HSD17B12: variants seen among roughly 807,000 people sequenced by gnomAD.
The protein encoded by HSD17B12 is hydroxysteroid 17-beta dehydrogenase 12.
In HSD17B12, 32 loss-of-function variants were observed where a neutral mutation model predicts 39.3. The ratio of observed to expected loss-of-function variants is 0.81; its 90% CI spans 0.61 to 1.09. The LOEUF (loss-of-function observed/expected upper bound fraction) is 1.09, where lower values mean the gene tolerates loss of function less well. Ranked by LOEUF, HSD17B12 falls within the 50% of genes least tolerant of loss-of-function variation. The pLI is 0.00. For synonymous variants in HSD17B12, 150 were observed against 146.7 expected (o/e 1.02, Z -0.16); for missense variants, 342 against 382.9 (o/e 0.89, Z 0.89).
chr11:43,774,646 C>A (rs1400727272), intron 3 of HSD17B12, among the ~76,000 whole-genome samples: 1 of 152,170 alleles, frequency 6.6e-6, no homozygotes, highest in East Asian at 1.9e-4. Flanking sequence ...GTGCTAGAGA[C>A]TCTTCGAAGA....
At chr11:43,850,757 G>A (rs1201128749) in intron 9 of HSD17B12, among the ~76,000 whole-genome samples, 1 of 152,190 alleles carries the variant, frequency 6.6e-6, no homozygotes, top group African/African-American at 2.4e-5. Context: ...TCCAGTGGGT[G>A]AGAAAAAAGA....
the HSD17B12 span, among the ~76,000 whole-genome samples, chr11:43,642,561 A>G: frequency 6.6e-6 from 1 of 151,756 alleles, no homozygotes; most frequent in Non-Finnish European, 1.5e-5. Context: ...CTTGTTTTTG[A>G]GCCTTTCTTA....
chr11:43,686,164 T>G (rs1949796823), intron 1 of HSD17B12, among the ~76,000 whole-genome samples: 1 of 152,214 alleles, frequency 6.6e-6, no homozygotes, highest in Non-Finnish European at 1.5e-5. Flanking sequence ...TGCTTGCTGT[T>G]GACATTCTAG....
rs1249719150 is a variant in HSD17B12 at position 43,768,141 on chromosome 11, A to G, written c.283+14020A>G. Among the ~76,000 whole-genome samples, 4 of 152,208 alleles carry G rather than the reference A, an allele frequency of 2.6e-5. No individual in the cohort carries two copies. The South Asian group carries it at 8.3e-4, about 32-fold the overall frequency. On this transcript the variant is annotated intron_variant, in intron 3 of 10. Transcript: ENST00000278353. ...TGTTCTCCGTGACTCCATGCTTTTA[A>G]GTGTACTTTAAGTATTGTAGGTGGG...
intron 1 of HSD17B12, chr11:43,734,171 AC>A: frequency 6.4e-7 from 1 of 1,569,074 alleles, no homozygotes. Flanking sequence ...AGAACTAATC[AC>A]CCAGAGAGAG....
chr11:43,756,986 T>C (rs1166930958), intron 3 of HSD17B12, among the ~76,000 whole-genome samples: 1 of 152,220 alleles, frequency 6.6e-6, no homozygotes, highest in Non-Finnish European at 1.5e-5. Flanking sequence ...AATGTTTTTC[T>C]GGGCATAATA....
At chr11:43,622,435 AAAAATAAAAT>A in the HSD17B12 span, among the ~76,000 whole-genome samples, 36 of 152,080 alleles carry the variant, frequency 2.4e-4, no homozygotes, top group South Asian at 6.2e-4. Context: ...CATTTCTACA[AAAAATAAAAT>A]AAAATAAAAT....
intron 3 of HSD17B12, among the ~76,000 whole-genome samples, chr11:43,761,193 A>G (rs1321353007): frequency 6.6e-6 from 1 of 152,236 alleles, no homozygotes; most frequent in Non-Finnish European, 1.5e-5. Context: ...CCATTAAATG[A>G]AACATTTCTG....
the HSD17B12 span, among the ~76,000 whole-genome samples, chr11:43,566,635 T>A: frequency 6.6e-6 from 1 of 152,038 alleles, no homozygotes; most frequent in African/African-American, 2.4e-5. Flanking sequence ...GTTCAAGCAA[T>A]TCTCCTACCT....
In HSD17B12 at chr11:43,680,861, T is replaced by G. The variant is rs555818217; in HGVS notation, c.34T>G (p.Tyr12Asp). ...CGCTCTCCCCGCCGCCGGCTTCCTG[T>G]ACTGGGTCGGCGCGGGCACCGTGGC... is the stretch of plus-strand genomic sequence containing the variant. ...ESALPAAGFLYWVGAGTVAYL... is the reference protein window; with the variant it reads ...ESALPAAGFLDWVGAGTVAYL... Residue 12 changes from tyrosine (Y) to aspartate (D), a missense_variant, in exon 1 of 11, where the codon TAC becomes GAC. Transcript: ENST00000278353. 6.2e-7 allele frequency: 1 copy of G among 1,614,070 alleles called. No individual in the cohort carries two copies. The highest frequency in any genetic ancestry group is 1.3e-5 in the African/African-American group (1 of 75,032).
chr11:43,604,199 T>C, the HSD17B12 span, among the ~76,000 whole-genome samples: 1 of 152,194 alleles, frequency 6.6e-6, no homozygotes, highest in Non-Finnish European at 1.5e-5. Flanking sequence ...TTATGAATAT[T>C]CAATAATTTC....
chr11:43,732,106 A>G (rs2134889973), intron 1 of HSD17B12, among the ~76,000 whole-genome samples: 1 of 152,248 alleles, frequency 6.6e-6, no homozygotes, highest in South Asian at 2.1e-4. Context: ...GGTTACCTCC[A>G]TGCTGTTCTC....
intron 7 of HSD17B12, 158 bp from the exon 8 acceptor site, chr11:43,838,159 C>G: frequency 3.4e-6 from 2 of 595,822 alleles, no homozygotes; most frequent in Non-Finnish European, 3.0e-6. Flanking sequence ...CATTTACTGA[C>G]CAAGCATAGC....
the HSD17B12 span, among the ~76,000 whole-genome samples, chr11:43,655,919 T>G: frequency 6.6e-6 from 1 of 152,222 alleles, no homozygotes. Flanking sequence ...GCTGGCCTCA[T>G]AAAATGAGTT....
At chr11:43,704,747 A>G (rs1410724341) in intron 1 of HSD17B12, among the ~76,000 whole-genome samples, 1 of 152,236 alleles carries the variant, frequency 6.6e-6, no homozygotes, top group African/African-American at 2.4e-5. Context: ...CCGAGCCTTA[A>G]GAAGAGGTAG....
intron 1 of HSD17B12, among the ~76,000 whole-genome samples, chr11:43,718,287 T>A (rs1346559462): frequency 6.6e-6 from 1 of 152,216 alleles, no homozygotes; most frequent in Non-Finnish European, 1.5e-5. Context: ...TCTGAACATA[T>A]CAATTCACAT....
At chr11:43,753,748 A>G (rs1215333115) in intron 2 of HSD17B12, among the ~76,000 whole-genome samples, 2 of 151,946 alleles carry the variant, frequency 1.3e-5, no homozygotes, top group Non-Finnish European at 2.9e-5. Context: ...TAAATTATAG[A>G]AGTGGTAGAC....
intron 1 of HSD17B12, among the ~76,000 whole-genome samples, chr11:43,691,852 C>T (rs1949865954): frequency 1.3e-5 from 2 of 152,292 alleles, no homozygotes; most frequent in East Asian, 1.9e-4. Context: ...TGTGCAGAGG[C>T]ATTTAGTAGG....
At chr11:43,572,758 T>C in the HSD17B12 span, among the ~76,000 whole-genome samples, 1 of 152,218 alleles carries the variant, frequency 6.6e-6, no homozygotes, top group South Asian at 2.1e-4. Flanking sequence ...TGGCATATAG[T>C]TGAAGCTGAA....
Sources: allele counts gnomAD v4.1 joint callset (sites outside exome capture counted in the v4.1 genomes callset), GRCh38; gene constraint gnomAD v4.1.1; transcripts MANE v1.5; gene names NCBI Gene and HGNC (gene_info 2026-07-23, HGNC 2026-07-21).